Variants in CNTN1 observed in about 807,000 individuals in gnomAD.
CNTN1 encodes contactin-1.
In CNTN1, 38 loss-of-function variants were observed where a neutral mutation model predicts 126.4. The observed-to-expected ratio is 0.30, with a 90% confidence interval of 0.23 to 0.39. CNTN1 has a LOEUF of 0.39. Ranked by LOEUF, CNTN1 falls within the 10% of genes least tolerant of loss-of-function variation. The probability of loss-of-function intolerance (pLI) is 1.00; values close to 1 mark genes in which losing one functional copy is unlikely to be tolerated. For synonymous variants in CNTN1, 413 were observed against 422.6 expected, an observed-to-expected ratio of 0.98 and a Z score of 0.28; for missense variants, 1,009 against 1,248.4, an observed-to-expected ratio of 0.81 and a Z score of 2.89.
chr12:40,766,371 AAAG>A (rs1183420445), intron 1 of CNTN1, among the ~76,000 whole-genome samples: 14 of 146,910 alleles, frequency 9.5e-5, no homozygotes, highest in Non-Finnish European at 1.9e-4. Context: ...AAAAAAAAAA[AAAG>A]AAAGAAAGAA....
intron 1 of CNTN1, among the ~76,000 whole-genome samples, chr12:40,847,262 T>TA (rs1942545170): frequency 1.3e-5 from 2 of 152,186 alleles, no homozygotes; most frequent in African/African-American, 2.4e-5. Flanking sequence ...ATTAATAACG[T>TA]AAAAAAGACT....
intron 17 of CNTN1, among the ~76,000 whole-genome samples, chr12:40,995,745 GT>G (rs1948197395): frequency 1.3e-5 from 2 of 151,622 alleles, no homozygotes; most frequent in African/African-American, 2.4e-5. Context: ...CTTCTCAATT[GT>G]AAAAAAAAAA....
At chr12:40,988,689 G>A (rs71449796) in intron 16 of CNTN1, among the ~76,000 whole-genome samples, 5,414 of 152,216 alleles carry the variant, frequency 0.036, 118 homozygotes, top group Middle Eastern at 0.11. Flanking sequence ...GCTTACAGCT[G>A]GTTGCTAAAC....
At chr12:40,972,706 G>A in intron 15 of CNTN1, 2 of 949,970 alleles carry the variant, frequency 2.1e-6, no homozygotes, top group Non-Finnish European at 2.5e-6. Context: ...TTAGACTAGA[G>A]ATCCAGATTA....
At chr12:40,906,669 C>CTTTTTT (rs111442544) in intron 1 of CNTN1, among the ~76,000 whole-genome samples, 2,055 of 106,070 alleles carry the variant, frequency 0.019, 223 homozygotes, top group Middle Eastern at 0.04. Flanking sequence ...GTTTTTCATG[C>CTTTTTT]TTTTTTTTTG....
chr12:40,888,040 G>T (rs908406196), intron 1 of CNTN1, among the ~76,000 whole-genome samples: 2 of 149,262 alleles, frequency 1.3e-5, no homozygotes, highest in Non-Finnish European at 3.0e-5. Flanking sequence ...AGGAGGGATA[G>T]CATTAGGAGA....
At chr12:40,813,086 CCTTT>C (rs1445365164) in intron 1 of CNTN1, among the ~76,000 whole-genome samples, 93 of 72,132 alleles carry the variant, frequency 1.3e-3, no homozygotes, top group African/African-American at 3.0e-3. Context: ...TTCCTTCCTT[CCTTT>C]CTTTCTCTTT....
intron 1 of CNTN1, among the ~76,000 whole-genome samples, chr12:40,721,542 A>G (rs1424467466): frequency 6.6e-5 from 10 of 151,084 alleles, no homozygotes. Context: ...GACATCTTAC[A>G]TTAATTATTA....
chr12:40,895,351 T>C (rs148103302), intron 1 of CNTN1, among the ~76,000 whole-genome samples: 59 of 152,290 alleles, frequency 3.9e-4, no homozygotes, highest in African/African-American at 1.4e-3. Flanking sequence ...TCAAAACACC[T>C]GCAACTAGGT....
At chr12:40,831,860 A>G (rs1941852196) in intron 1 of CNTN1, among the ~76,000 whole-genome samples, 1 of 152,152 alleles carries the variant, frequency 6.6e-6, no homozygotes, top group Non-Finnish European at 1.5e-5. Context: ...ATGCAGGGGG[A>G]AAAAGATAAA....
chr12:40,835,688 T>C (rs1279866164), intron 1 of CNTN1, among the ~76,000 whole-genome samples: 1 of 152,138 alleles, frequency 6.6e-6, no homozygotes, highest in Non-Finnish European at 1.5e-5. Flanking sequence ...GTCTGAGTTA[T>C]ATGAATATTC....
intron 1 of CNTN1, among the ~76,000 whole-genome samples, chr12:40,860,353 T>G (rs1943073403): frequency 6.6e-6 from 1 of 152,168 alleles, no homozygotes; most frequent in Non-Finnish European, 1.5e-5. Flanking sequence ...TATCCAGTTT[T>G]GATTCTCTGG....
intron 1 of CNTN1, among the ~76,000 whole-genome samples, chr12:40,797,702 A>G (rs1940491430): frequency 6.6e-6 from 1 of 152,072 alleles, no homozygotes; most frequent in South Asian, 2.1e-4. Flanking sequence ...GTTTATTGCA[A>G]TCATTCAAGC....
intron 1 of CNTN1, among the ~76,000 whole-genome samples, chr12:40,753,766 CAG>C (rs1347561314): frequency 6.6e-6 from 1 of 152,042 alleles, no homozygotes; most frequent in Non-Finnish European, 1.5e-5. Flanking sequence ...TTTTTTGTAA[CAG>C]ATATTTTAGA....
At chr12:40,722,064 C>T (rs1040103217) in intron 1 of CNTN1, among the ~76,000 whole-genome samples, 7 of 152,042 alleles carry the variant, frequency 4.6e-5, no homozygotes, top group Non-Finnish European at 8.8e-5. Context: ...TGGTTTGAGC[C>T]GTGGGGAACA....
intron 17 of CNTN1, among the ~76,000 whole-genome samples, chr12:41,007,697 G>A (rs1269115762): frequency 5.3e-5 from 8 of 152,094 alleles, no homozygotes; most frequent in South Asian, 4.1e-4. Context: ...CAATGCATGC[G>A]GAAGGTGGTT....
At chr12:40,978,719 G>C (rs1190243604) in intron 15 of CNTN1, 3 of 152,054 alleles carry the variant, frequency 2.0e-5, no homozygotes, top group Non-Finnish European at 4.4e-5. Context: ...GCTTTATTCT[G>C]ACCTTTATGA....
chr12:40,905,389 C>T (rs190111010), intron 1 of CNTN1, among the ~76,000 whole-genome samples: 154 of 152,282 alleles, frequency 1.0e-3, no homozygotes, highest in African/African-American at 3.5e-3. Flanking sequence ...AGAAATTGCT[C>T]TTAATTCTTC....
intron 1 of CNTN1, among the ~76,000 whole-genome samples, chr12:40,712,121 C>T (rs1941929229): frequency 6.6e-6 from 1 of 152,142 alleles, no homozygotes; most frequent in African/African-American, 2.4e-5. Context: ...ATTAAAGCTG[C>T]ACTTTACTAG....
Sources: gnomAD v4.1 joint callset for allele counts (sites outside exome capture counted in the v4.1 genomes callset) on GRCh38, gnomAD v4.1.1 for gene constraint, MANE v1.5 for transcripts, NCBI Gene and HGNC (gene_info 2026-07-23, HGNC 2026-07-21) for gene names.